Variants in SLC26A7 observed in about 807,000 individuals in gnomAD.
The protein encoded by SLC26A7 is solute carrier family 26 member 7.
In SLC26A7, 59 loss-of-function variants were observed where a neutral mutation model predicts 82.5. The ratio of observed to expected loss-of-function variants is 0.72; its 90% CI spans 0.58 to 0.89. The LOEUF is 0.89. Ranked by LOEUF, SLC26A7 falls within the 40% of genes least tolerant of loss-of-function variation. SLC26A7 has a pLI of 0.00. For missense variants in SLC26A7, 820 were observed against 793.0 expected (o/e 1.03, Z -0.41); for synonymous variants, 271 against 274.3 (o/e 0.99, Z 0.12).
intron 15 of SLC26A7, among the ~76,000 whole-genome samples, chr8:91,371,855 T>C (rs538627777): frequency 7.6e-4 from 116 of 151,994 alleles, no homozygotes; most frequent in African/African-American, 2.5e-3. Flanking sequence ...CATTCCCACC[T>C]ACAGTGTGTA....
chr8:91,254,666 G>C (rs1206260964), intron 2 of SLC26A7, among the ~76,000 whole-genome samples: 1 of 152,088 alleles, frequency 6.6e-6, no homozygotes, highest in African/African-American at 2.4e-5. Context: ...ATAATATAGA[G>C]ATGTATAAAA....
chr8:91,309,230 T>G (rs1812408209), intron 4 of SLC26A7, among the ~76,000 whole-genome samples: 1 of 151,614 alleles, frequency 6.6e-6, no homozygotes, highest in Non-Finnish European at 1.5e-5. Flanking sequence ...CTTGAGATCA[T>G]AATAAAATAT....
At chr8:91,394,481 C>T in intron 18 of SLC26A7, 1 of 1,357,056 alleles carries the variant, frequency 7.4e-7, no homozygotes, top group Non-Finnish European at 9.4e-7. Context: ...CTAGTGCTCA[C>T]ATGATCTGAA....
In SLC26A7 at chr8:91,272,659, T is replaced by C. The variant is rs535578283; in HGVS notation, c.194-16477T>C. On this transcript the variant is annotated intron_variant, in intron 2 of 18. Transcript: ENST00000276609. ...AATGAAAGTTTGTTTAAATACTTTC[T>C]AATAATATAATTTGGTGAGAATTGA... Among the ~76,000 whole-genome samples, 3 of 152,326 alleles carry C rather than the reference T, an allele frequency of 2.0e-5. No homozygotes were observed. The East Asian group carries it at 5.8e-4, about 29-fold the overall frequency.
At chr8:91,222,029 G>A (rs912144973) in intron 2 of SLC26A7, among the ~76,000 whole-genome samples, 2 of 152,020 alleles carry the variant, frequency 1.3e-5, no homozygotes, top group African/African-American at 4.8e-5. Flanking sequence ...CCATTTGTTT[G>A]TGTCCTCTCT....
At chr8:91,219,030 C>G in intron 2 of SLC26A7, 1 of 1,272,520 alleles carries the variant, frequency 7.9e-7, no homozygotes. Context: ...CATAGCCTCA[C>G]TCCACTTGCC....
At chr8:91,256,239 T>C (rs537000831) in intron 2 of SLC26A7, among the ~76,000 whole-genome samples, 8 of 152,188 alleles carry the variant, frequency 5.3e-5, no homozygotes, top group African/African-American at 1.9e-4. Context: ...TCTATTCTTT[T>C]AAAAAAATGT....
intron 2 of SLC26A7, among the ~76,000 whole-genome samples, chr8:91,286,029 G>A (rs1048871427): frequency 3.3e-5 from 5 of 152,156 alleles, no homozygotes; most frequent in Admixed American, 3.3e-4. Flanking sequence ...TCTTCTCTGT[G>A]ATAAATAGTT....
chr8:91,300,451 G>T (rs1812132650), intron 4 of SLC26A7, among the ~76,000 whole-genome samples: 1 of 150,386 alleles, frequency 6.6e-6, no homozygotes, highest in Non-Finnish European at 1.5e-5. Context: ...AGGCTGGAGT[G>T]CAGGGGCGCG....
chr8:91,218,799 T>C lies in SLC26A7; in HGVS notation c.-149-91T>C, dbSNP rs1197161327. On this transcript the variant is annotated intron_variant, in intron 1 of 5. Transcript: ENST00000522862. ...AATAGTGCGTCTTTAGAAGTCAATGTTCTGAAACCTCTGAGAAAGCAAATA... is the reference window on the plus strand; with the variant it reads ...AATAGTGCGTCTTTAGAAGTCAATGCTCTGAAACCTCTGAGAAAGCAAATA... 3.9e-6 allele frequency: 3 copies of C among 774,436 alleles called. No homozygotes were observed. The African/African-American group carries it at 5.3e-5, about 14-fold the overall frequency. 48.0% of individuals were successfully genotyped at this position (774,436 alleles called of 1,614,324 possible).
chr8:91,332,770 G>A (rs150325347), intron 5 of SLC26A7, among the ~76,000 whole-genome samples: 6 of 151,642 alleles, frequency 4.0e-5, no homozygotes, highest in African/African-American at 7.3e-5. Context: ...GGCTTCAAGC[G>A]ATCCTTCTGC....
intron 15 of SLC26A7, among the ~76,000 whole-genome samples, chr8:91,382,571 A>C (rs1003901341): frequency 2.0e-5 from 3 of 152,202 alleles, no homozygotes; most frequent in African/African-American, 7.2e-5. Flanking sequence ...TCTGTATGGA[A>C]GAATTCTCAG....
chr8:91,323,690 G>T (rs1237255862), intron 5 of SLC26A7, among the ~76,000 whole-genome samples: 1 of 151,988 alleles, frequency 6.6e-6, no homozygotes, highest in African/African-American at 2.4e-5. Flanking sequence ...AGAAATTGGG[G>T]TATAATGATG....
At chr8:91,380,953 A>G (rs1814654048) in intron 15 of SLC26A7, among the ~76,000 whole-genome samples, 1 of 152,200 alleles carries the variant, frequency 6.6e-6, no homozygotes, top group South Asian at 2.1e-4. Flanking sequence ...TTTTTACTTA[A>G]TATATTTGTT....
At chr8:91,281,013 A>G (rs1368963688) in intron 2 of SLC26A7, among the ~76,000 whole-genome samples, 1 of 152,172 alleles carries the variant, frequency 6.6e-6, no homozygotes, top group Non-Finnish European at 1.5e-5. Flanking sequence ...TAACTTCTGT[A>G]GTTATCACCT....
chr8:91,238,784 T>A lies in SLC26A7; in HGVS notation c.-33-10835T>A, dbSNP rs574744241. 2.6e-3 allele frequency among the ~76,000 whole-genome samples: 391 copies of A among 152,082 alleles called. 3 individuals carry two copies. The highest frequency in any genetic ancestry group is 6.8e-3 in the Middle Eastern group (2 of 294). ...CTATGTCAAAAAATTCTGATCATCC[T>A]GCATAATTTTTAAAGCAACCTATTA... is the stretch of plus-strand genomic sequence containing the variant. On this transcript the variant is annotated intron_variant, in intron 2 of 5. Transcript: ENST00000522862.
At chr8:91,224,770 C>T (rs184191109) in intron 2 of SLC26A7, among the ~76,000 whole-genome samples, 90 of 152,296 alleles carry the variant, frequency 5.9e-4, no homozygotes, top group African/African-American at 1.9e-3. Context: ...GCCTGGATTC[C>T]TCAGAACGAC....
intron 2 of SLC26A7, chr8:91,219,257 A>G (rs1810117612): frequency 3.5e-6 from 1 of 282,584 alleles, no homozygotes; most frequent in African/African-American, 2.2e-5. Context: ...GTGGCAAGTG[A>G]GTTATTTTTT....
At chr8:91,277,978 T>G (rs1811451388) in intron 2 of SLC26A7, among the ~76,000 whole-genome samples, 1 of 152,106 alleles carries the variant, frequency 6.6e-6, no homozygotes, top group Non-Finnish European at 1.5e-5. Context: ...GGATGCTTGT[T>G]ACAGAGCTGA....
Sources: gnomAD v4.1 joint callset for allele counts (sites outside exome capture counted in the v4.1 genomes callset) on GRCh38, gnomAD v4.1.1 for gene constraint, MANE v1.5 for transcripts, NCBI Gene and HGNC (gene_info 2026-07-23, HGNC 2026-07-21) for gene names.